Variants in ASCC1 observed in about 807,000 individuals in gnomAD.
ASCC1 encodes the protein ASC-1 complex subunit P50.
In ASCC1, 35 loss-of-function variants were observed where a neutral mutation model predicts 46.6. The ratio of observed to expected loss-of-function variants is 0.75; its 90% CI spans 0.57 to 0.99. The LOEUF is 0.99. Ranked by LOEUF, ASCC1 falls within the 50% of genes least tolerant of loss-of-function variation. The pLI is 0.00. For missense variants in ASCC1, 376 were observed against 428.7 expected (o/e 0.88, Z 1.09); for synonymous variants, 143 against 146.6 (o/e 0.98, Z 0.18).
At chr10:72,202,467 C>T (rs77206724) in intron 4 of ASCC1, among the ~76,000 whole-genome samples, 1 of 130,048 alleles carries the variant, frequency 7.7e-6, no homozygotes, top group South Asian at 2.5e-4. Flanking sequence ...GACTCTGTCT[C>T]AAAAAAAAAA....
At chr10:72,213,799 G>A (rs1858562563) in intron 1 of ASCC1, among the ~76,000 whole-genome samples, 1 of 152,008 alleles carries the variant, frequency 6.6e-6, no homozygotes, top group African/African-American at 2.4e-5. Context: ...CAGCACTTTG[G>A]GAGGCCGAGG....
chr10:72,196,852 A>C lies in ASCC1; in HGVS notation c.448T>G (p.Phe150Val). The change falls in exon 5 of 10, where the codon TTC becomes GTC. Residue 150 changes from phenylalanine (F) to valine (V), a missense_variant. Coordinates refer to ENST00000672957, the MANE Select transcript of ASCC1 (RefSeq NM_001198800.3). The part of the protein sequence containing the change: ...FLNEVEVQEG[F>V]LRFQEEVLAK... ...AGTACTTCCTCCTGGAATCTCAGGA[A>C]TCCTTCCTGAACCTCAACTTCATTG... 6.2e-7 allele frequency: 1 copy of C among 1,613,468 alleles called. No individual in the cohort carries two copies. Among genetic ancestry groups the C allele is most frequent in the Non-Finnish European group, 8.5e-7 (1 of 1,179,998 alleles).
chr10:72,167,518 T>C (rs1174075717), intron 5 of ASCC1, among the ~76,000 whole-genome samples: 5 of 152,170 alleles, frequency 3.3e-5, no homozygotes, highest in African/African-American at 1.2e-4. Flanking sequence ...TGAATTGTGG[T>C]AATGACTGCA....
chr10:72,102,300 C>A, intron 9 of ASCC1: 1 of 1,533,056 alleles, frequency 6.5e-7, no homozygotes, highest in South Asian at 1.2e-5. Context: ...ACAACAAGTT[C>A]AGGTGTGTTT....
At chr10:72,193,395 T>C (rs918420825) in intron 5 of ASCC1, among the ~76,000 whole-genome samples, 1 of 151,884 alleles carries the variant, frequency 6.6e-6, no homozygotes, top group East Asian at 1.9e-4. Context: ...TACTGTATGA[T>C]TCCATCTATA....
Position 72,215,179 on chromosome 10 carries a change from A to G in ASCC1, c.-34+1028T>C, listed in dbSNP as rs143840511. On this transcript the variant is annotated intron_variant, in intron 1 of 9. Coordinates refer to ENST00000672957, the MANE Select transcript of ASCC1 (RefSeq NM_001198800.3). ...GCACTTTAGGAGGCCGAGGCGGATC[A>G]TCTGAGGCCAGGAGTTCGAGACCAG... Among the ~76,000 whole-genome samples, 606 of 152,242 alleles carry G rather than the reference A, an allele frequency of 4.0e-3. 3 individuals are homozygous for G. Among genetic ancestry groups the G allele is most frequent in the African/African-American group, 0.013 (552 of 41,484 alleles).
intron 6 of ASCC1, among the ~76,000 whole-genome samples, chr10:72,158,080 G>T (rs1004405287): frequency 6.6e-6 from 1 of 152,080 alleles, no homozygotes; most frequent in East Asian, 1.9e-4. Flanking sequence ...AATGAAACAG[G>T]ATCCAAAGCC....
At chr10:72,158,651 C>A (rs983158330) in intron 6 of ASCC1, among the ~76,000 whole-genome samples, 2 of 152,214 alleles carry the variant, frequency 1.3e-5, no homozygotes, top group Non-Finnish European at 2.9e-5. Flanking sequence ...CTCAACTACT[C>A]ATTTCTTCAA....
intron 5 of ASCC1, among the ~76,000 whole-genome samples, chr10:72,168,496 C>T (rs1364173953): frequency 6.6e-6 from 1 of 152,102 alleles, no homozygotes; most frequent in East Asian, 1.9e-4. Context: ...TGGTACAATC[C>T]CTGTGGAGGG....
intron 1 of ASCC1, among the ~76,000 whole-genome samples, chr10:72,215,034 C>T (rs1858919566): frequency 6.6e-6 from 1 of 152,248 alleles, no homozygotes; most frequent in Non-Finnish European, 1.5e-5. Flanking sequence ...CTACCACGTA[C>T]AGCTTAGATA....
intron 2 of ASCC1, 59 bp downstream of exon 2, chr10:72,213,128 G>T: frequency 8.2e-7 from 1 of 1,215,596 alleles, no homozygotes; most frequent in African/African-American, 1.5e-5. Flanking sequence ...ACAAAAAATT[G>T]ATCCTACAAT....
At chr10:72,127,664 C>CTTTTTTTTTTTTTTTTTTTTTTTTT (rs3063665) in intron 9 of ASCC1, among the ~76,000 whole-genome samples, 2 of 130,008 alleles carry the variant, frequency 1.5e-5, no homozygotes, top group Non-Finnish European at 3.2e-5. Context: ...CTAAGGGTTT[C>CTTTTTTTTTTTTTTTTTTTTTTTTT]TTTTTTTTTT....
intron 7 of ASCC1, chr10:72,133,644 G>A (rs1195244790): frequency 4.3e-6 from 1 of 230,712 alleles, no homozygotes; most frequent in East Asian, 1.1e-4. Flanking sequence ...ACAGAAAAGG[G>A]ACAATGGAGA....
chr10:72,188,859 G>T (rs1853916710), intron 5 of ASCC1, among the ~76,000 whole-genome samples: 1 of 151,870 alleles, frequency 6.6e-6, no homozygotes, highest in South Asian at 2.1e-4. Flanking sequence ...CTGGGCTTAA[G>T]CATCCTCCCA....
At chr10:72,119,528 G>T (rs893679688) in intron 9 of ASCC1, among the ~76,000 whole-genome samples, 1 of 152,110 alleles carries the variant, frequency 6.6e-6, no homozygotes, top group Non-Finnish European at 1.5e-5. Flanking sequence ...CCTAACGGGG[G>T]TGATGAGAAG....
chr10:72,151,460 G>A (rs1302202612), intron 7 of ASCC1, among the ~76,000 whole-genome samples: 1 of 151,388 alleles, frequency 6.6e-6, no homozygotes, highest in African/African-American at 2.4e-5. Context: ...TGGGGGGCCG[G>A]GGGAGGGATA....
intron 5 of ASCC1, among the ~76,000 whole-genome samples, chr10:72,179,940 T>C (rs937629329): frequency 6.6e-6 from 1 of 152,094 alleles, no homozygotes. Flanking sequence ...CTCAACTATT[T>C]TTAAAAAAAC....
intron 5 of ASCC1, among the ~76,000 whole-genome samples, chr10:72,185,919 T>TA (rs1427208680): frequency 6.6e-6 from 1 of 152,170 alleles, no homozygotes; most frequent in Non-Finnish European, 1.5e-5. Flanking sequence ...TCTTAGAATT[T>TA]ATCCCAAAGA....
At chr10:72,187,695 G>A (rs887167415) in intron 5 of ASCC1, among the ~76,000 whole-genome samples, 19 of 144,794 alleles carry the variant, frequency 1.3e-4, no homozygotes, top group Admixed American at 1.2e-3. Context: ...ACTCCAGCCT[G>A]GGTGACAGAG....
Sources: allele counts gnomAD v4.1 joint callset (sites outside exome capture counted in the v4.1 genomes callset), GRCh38; gene constraint gnomAD v4.1.1; transcripts MANE v1.5; gene names NCBI Gene and HGNC (gene_info 2026-07-23, HGNC 2026-07-21).